The following EPB41L2 variants were observed in gnomAD, a reference collection of about 807,000 sequenced individuals.
The protein encoded by EPB41L2 is erythrocyte membrane protein band 4.1 like 2.
In EPB41L2, 43 loss-of-function variants were observed where a neutral mutation model predicts 113.0. The ratio of observed to expected loss-of-function variants is 0.38; its 90% CI spans 0.30 to 0.49. The LOEUF (loss-of-function observed/expected upper bound fraction) is 0.49. Ranked by LOEUF, EPB41L2 falls within the 20% of genes least tolerant of loss-of-function variation. The pLI is 0.95. For synonymous variants in EPB41L2, 442 were observed against 436.7 expected, an observed-to-expected ratio of 1.01 and a Z score of -0.15; for missense variants, 1,147 against 1,223.4, an observed-to-expected ratio of 0.94 and a Z score of 0.93.
intron 12 of EPB41L2, chr6:130,880,612 G>A: frequency 2.0e-6 from 1 of 498,292 alleles, no homozygotes; most frequent in South Asian, 4.2e-5. Context: ...TTTACTGTGA[G>A]GCCCTCAGAA....
intron 6 of EPB41L2, 26 bp from the exon 7 acceptor site, chr6:130,901,206 G>C (rs1796203834): frequency 6.3e-7 from 1 of 1,599,270 alleles, no homozygotes; most frequent in African/African-American, 1.3e-5. Context: ...GGAGAAATGG[G>C]TCAGGGGAGA....
chr6:130,871,126 T>C (rs557214768), intron 14 of EPB41L2, among the ~76,000 whole-genome samples: 4 of 152,342 alleles, frequency 2.6e-5, no homozygotes, highest in South Asian at 4.1e-4. Flanking sequence ...TTGAGTAATA[T>C]AGCACCTAAA....
intron 1 of EPB41L2, among the ~76,000 whole-genome samples, chr6:131,055,258 A>G (rs1330994376): frequency 6.6e-6 from 1 of 152,206 alleles, no homozygotes; most frequent in Non-Finnish European, 1.5e-5. Flanking sequence ...TTTAAATGAA[A>G]GCAAAAAGTG....
At chr6:130,927,545 A>G (rs1217842114) in intron 3 of EPB41L2, among the ~76,000 whole-genome samples, 1 of 152,168 alleles carries the variant, frequency 6.6e-6, no homozygotes, top group East Asian at 1.9e-4. Context: ...AAAGCCACCA[A>G]TGCACTGCTA....
intron 1 of EPB41L2, among the ~76,000 whole-genome samples, chr6:131,049,216 C>T (rs985029963): frequency 6.6e-6 from 1 of 151,988 alleles, no homozygotes; most frequent in South Asian, 2.1e-4. Flanking sequence ...ATTCACATTC[C>T]CATATGTGTA....
In EPB41L2 at chr6:130,947,902, A is replaced by G. The variant is rs373323073; in HGVS notation, c.705+7203T>C. Among the ~76,000 whole-genome samples, 14 of 152,360 alleles carry G rather than the reference A, an allele frequency of 9.2e-5. No homozygotes were observed. The East Asian group carries it at 2.3e-3, about 25-fold the overall frequency. ...CTGCATTGTTATAATAGCTATTAGG[A>G]TATTGATGAATTATGGCCTATGTTG... On this transcript the variant is annotated intron_variant, in intron 3 of 19. Coordinates refer to ENST00000337057, the MANE Select transcript of EPB41L2 (RefSeq NM_001431.4).
rs71030726 is a variant in EPB41L2, at chr6:131,048,158, GA to G, written c.-15+14996del. 5.9e-3 allele frequency among the ~76,000 whole-genome samples: 413 copies of G among 69,848 alleles called. 6 individuals carry two copies. The highest frequency in any genetic ancestry group is 0.019 in the African/African-American group (392 of 20,586). The allele number at this position is 69,848 out of a possible 152,430, so 45.8% of individuals were successfully genotyped here. A position where few individuals can be genotyped will look rare whatever the true frequency, so the allele number is the denominator to read the frequency against. ...TGTCTCAAAAAAAAAAAAAAAAAAA[GA>G]AAAAAAGAAAAGAAAAATCTAAAAA... On this transcript the variant is annotated intron_variant, in intron 1 of 19. Coordinates refer to ENST00000337057, the MANE Select transcript of EPB41L2 (RefSeq NM_001431.4).
intron 1 of EPB41L2, among the ~76,000 whole-genome samples, chr6:131,029,398 A>ATT: frequency 6.6e-6 from 1 of 150,942 alleles, no homozygotes; most frequent in Non-Finnish European, 1.5e-5. Context: ...GTTTAAAAAA[A>ATT]AAAAAAAAAA....
chr6:131,062,846 G>A (rs1270258752), intron 1 of EPB41L2, among the ~76,000 whole-genome samples: 1 of 151,950 alleles, frequency 6.6e-6, no homozygotes, highest in East Asian at 2.0e-4. Context: ...CCCGGAAGAG[G>A]GAAGAGGGGG....
intron 1 of EPB41L2, among the ~76,000 whole-genome samples, chr6:131,029,416 C>T (rs898660937): frequency 8.0e-6 from 1 of 125,040 alleles, no homozygotes; most frequent in Non-Finnish European, 1.6e-5. Flanking sequence ...AAAAAAAAAG[C>T]ATGCTTAATT....
intron 3 of EPB41L2, among the ~76,000 whole-genome samples, chr6:130,930,042 A>C (rs9483192): frequency 0.36 from 54,133 of 151,848 alleles, 13,690 homozygotes; most frequent in African/African-American, 0.71. Context: ...TATATACACC[A>C]CTCATTCCCA....
Position 130,974,717 on chromosome 6 carries a change from C to CTTTTTTTTTTTT in EPB41L2, c.-14-18230_-14-18219dup, listed in dbSNP as rs71030723. Among the ~76,000 whole-genome samples the CTTTTTTTTTTTT allele has an allele frequency of 4.0e-3, 256 of 64,666 alleles. 23 individuals are homozygous for CTTTTTTTTTTTT. Among genetic ancestry groups the CTTTTTTTTTTTT allele is most frequent in the Non-Finnish European group, 4.4e-3 (163 of 36,682 alleles). The allele number at this position is 64,666 out of a possible 152,430, so 42.4% of individuals were successfully genotyped here. A position where few individuals can be genotyped will look rare whatever the true frequency, so the allele number is the denominator to read the frequency against. ...GGCAGCCTCTTTTTTCTTTTCTTTT[C>CTTTTTTTTTTTT]TTTTTTTTTTTTTTTTTTTTTTTTT... On this transcript the variant is annotated intron_variant, in intron 1 of 19. Coordinates refer to ENST00000337057, the MANE Select transcript of EPB41L2 (RefSeq NM_001431.4).
At position 130,904,470 on chromosome 6, in the gene EPB41L2, G is replaced by T; in HGVS notation, c.924C>A (p.Ile308=). Residue 308 remains isoleucine (I), a synonymous_variant, in exon 6 of 20, where the codon ATC becomes ATA. Coordinates refer to ENST00000337057, the MANE Select transcript of EPB41L2 (RefSeq NM_001431.4). ...PPDPSQLTED[I]TRYFLCLQLR... ...AAAATGCAAATATAAAGTACCTGGT[G>T]ATATCTTCAGTCAATTGAGAAGGAT... 6.3e-7 allele frequency: 1 copy of T among 1,580,160 alleles called. No individual in the cohort carries two copies. The highest frequency in any genetic ancestry group is 1.2e-5 in the South Asian group (1 of 86,370).
chr6:130,966,304 G>A (rs189006007), intron 1 of EPB41L2, among the ~76,000 whole-genome samples: 1 of 152,302 alleles, frequency 6.6e-6, no homozygotes, highest in Non-Finnish European at 1.5e-5. Context: ...CAACTGTAAA[G>A]AGAAAAGATG....
chr6:131,045,229 A>G (rs1795184186), intron 1 of EPB41L2, among the ~76,000 whole-genome samples: 1 of 152,188 alleles, frequency 6.6e-6, no homozygotes, highest in South Asian at 2.1e-4. Flanking sequence ...CTATTAGTGC[A>G]TACTATGTAC....
At chr6:130,870,933 G>C (rs1785442517) in intron 14 of EPB41L2, among the ~76,000 whole-genome samples, 1 of 152,076 alleles carries the variant, frequency 6.6e-6, no homozygotes, top group Non-Finnish European at 1.5e-5. Flanking sequence ...CGTATCATAG[G>C]TTGGCAAAGG....
At chr6:131,040,463 A>C (rs1224331533) in intron 1 of EPB41L2, among the ~76,000 whole-genome samples, 1 of 152,112 alleles carries the variant, frequency 6.6e-6, no homozygotes, top group African/African-American at 2.4e-5. Context: ...TAAAATGGTT[A>C]ATTTTAGGTA....
At chr6:130,936,913 C>T (rs975565576) in intron 3 of EPB41L2, among the ~76,000 whole-genome samples, 1 of 152,200 alleles carries the variant, frequency 6.6e-6, no homozygotes, top group African/African-American at 2.4e-5. Context: ...ATGCTCCAGC[C>T]GGCATCAGAC....
chr6:131,006,201 C>A (rs1342599889), intron 1 of EPB41L2, among the ~76,000 whole-genome samples: 2 of 151,722 alleles, frequency 1.3e-5, no homozygotes, highest in African/African-American at 2.4e-5. Context: ...GGATTACAGG[C>A]ACCCACCACC....
Sources: gnomAD v4.1 joint callset for allele counts (sites outside exome capture counted in the v4.1 genomes callset) on GRCh38, gnomAD v4.1.1 for gene constraint, MANE v1.5 for transcripts, NCBI Gene and HGNC (gene_info 2026-07-23, HGNC 2026-07-21) for gene names.